Variants in SMIM14 observed in about 807,000 individuals in gnomAD.
SMIM14 encodes the protein chromosome 4 open reading frame 34.
Under a neutral mutation model 12.6 loss-of-function variants are expected in SMIM14, and 5 were observed. That is an observed-to-expected ratio of 0.40 (90% confidence interval 0.21 to 0.83). SMIM14 has a LOEUF of 0.83. Ranked by LOEUF, SMIM14 falls within the 40% of genes least tolerant of loss-of-function variation. The pLI is 0.37. For synonymous variants in SMIM14, 30 were observed against 40.1 expected, an observed-to-expected ratio of 0.75 and a Z score of 0.95; for missense variants, 86 against 119.1, an observed-to-expected ratio of 0.72 and a Z score of 1.29.
chr4:39,630,148 A>G (rs992897747), intron 1 of SMIM14, among the ~76,000 whole-genome samples: 2 of 151,926 alleles, frequency 1.3e-5, no homozygotes, highest in Non-Finnish European at 2.9e-5. Context: ...CACCTGTAAA[A>G]CCAATTCTGA....
chr4:39,604,728 A>AGAC (rs1348989138), intron 2 of SMIM14, among the ~76,000 whole-genome samples: 1 of 151,304 alleles, frequency 6.6e-6, no homozygotes, highest in Admixed American at 6.6e-5. Context: ...CTCGTGTCTC[A>AGAC]GCCTTCCGAG....
intron 2 of SMIM14, among the ~76,000 whole-genome samples, chr4:39,580,589 C>T (rs1395328703): frequency 1.3e-5 from 2 of 151,794 alleles, no homozygotes; most frequent in African/African-American, 2.4e-5. Context: ...TACAGTGGTG[C>T]GATCTTGGCT....
At chr4:39,566,161 T>C (rs1195196877) in intron 3 of SMIM14, among the ~76,000 whole-genome samples, 1 of 148,878 alleles carries the variant, frequency 6.7e-6, no homozygotes, top group Admixed American at 6.9e-5. Context: ...GGCAGTGGGA[T>C]AGTGAGAAGT....
At chr4:39,628,400 C>A (rs540706480) in intron 1 of SMIM14, among the ~76,000 whole-genome samples, 1 of 151,482 alleles carries the variant, frequency 6.6e-6, no homozygotes, top group African/African-American at 2.4e-5. Context: ...TGTGACCAGG[C>A]GCGGTGGCTC....
intron 3 of SMIM14, 146 bp from the exon 4 acceptor site, chr4:39,556,716 C>T (rs1712034866): frequency 2.6e-6 from 2 of 772,312 alleles, no homozygotes; most frequent in Admixed American, 3.6e-5. Context: ...TCTTCAATTT[C>T]CCTTTCCCCC....
chr4:39,585,756 T>A (rs1048215099), intron 2 of SMIM14, among the ~76,000 whole-genome samples: 1 of 151,766 alleles, frequency 6.6e-6, no homozygotes, highest in African/African-American at 2.4e-5. Context: ...AGGCTCCAGG[T>A]AGCACCAACC....
chr4:39,587,556 CA>C (rs1713848897), intron 2 of SMIM14, among the ~76,000 whole-genome samples: 1 of 141,878 alleles, frequency 7.0e-6, no homozygotes, highest in African/African-American at 2.6e-5. Context: ...TTTCCAAAAA[CA>C]GCCACAGAAT....
chr4:39,553,099 C>T (rs866025275), intron 4 of SMIM14, among the ~76,000 whole-genome samples: 4 of 150,796 alleles, frequency 2.7e-5, no homozygotes, highest in Admixed American at 6.6e-5. Flanking sequence ...CTCACTCTGT[C>T]GCCCAGGCTG....
At position 39,572,847 on chromosome 4, in the gene SMIM14, G is replaced by GT. The variant is rs992008315; in HGVS notation, c.76-385dup. On this transcript the variant is annotated intron_variant, in intron 2 of 4. Coordinates refer to ENST00000295958, the MANE Select transcript of SMIM14 (RefSeq NM_174921.3). ...AAAAAAAAAAATCATGTTTTCTTTT[G>GT]TTTTTTTGAGACAGGGTCTCACTCT... is the stretch of plus-strand genomic sequence containing the variant. 1.1e-4 allele frequency among the ~76,000 whole-genome samples: 17 copies of GT among 151,754 alleles called. No homozygotes were observed. The East Asian group carries it at 2.1e-3, about 19-fold the overall frequency.
At chr4:39,593,337 T>C (rs1312660432) in intron 2 of SMIM14, 2 of 152,208 alleles carry the variant, frequency 1.3e-5, no homozygotes, top group Non-Finnish European at 2.9e-5. Flanking sequence ...GAAAAGGCCT[T>C]TGACAAAATT....
Position 39,556,507 on chromosome 4 carries a change from A to G in SMIM14, c.188T>C (p.Ile63Thr). ...TCTCAGTAAGAACAAGATCAATGCA[A>G]TAACCATCCAGGCTACCAAGATCAT... ...VTMILVAWMV[I>T]ALILFLLRPP... The change falls in exon 4 of 5, where the codon ATT becomes ACT. Residue 63 changes from isoleucine (I) to threonine (T), a missense_variant. Coordinates refer to ENST00000295958, the MANE Select transcript of SMIM14 (RefSeq NM_174921.3). 2.5e-6 allele frequency: 4 copies of G among 1,613,988 alleles called. No individual in the cohort carries two copies. The highest frequency in any genetic ancestry group is 2.5e-6 in the Non-Finnish European group (3 of 1,179,978).
intron 1 of SMIM14, chr4:39,638,380 G>T: frequency 1.2e-6 from 1 of 820,798 alleles, no homozygotes; most frequent in Non-Finnish European, 1.5e-6. Context: ...GGATTTGTGA[G>T]TTTTTCCTTC....
intron 3 of SMIM14, among the ~76,000 whole-genome samples, chr4:39,566,697 G>T (rs1181823792): frequency 6.6e-6 from 1 of 152,042 alleles, no homozygotes; most frequent in Non-Finnish European, 1.5e-5. Flanking sequence ...GGCCAGGCGT[G>T]GTGGCTCACG....
At chr4:39,600,740 G>T (rs573694770) in intron 2 of SMIM14, among the ~76,000 whole-genome samples, 2 of 151,140 alleles carry the variant, frequency 1.3e-5, no homozygotes, top group South Asian at 4.2e-4. Flanking sequence ...GTGTGGTGCT[G>T]TGTGCCTGTA....
At chr4:39,572,941 A>C (rs1371975896) in intron 2 of SMIM14, among the ~76,000 whole-genome samples, 3 of 151,804 alleles carry the variant, frequency 2.0e-5, no homozygotes, top group Non-Finnish European at 2.9e-5. Context: ...GGCTCAAATG[A>C]TCCTCCTGCC....
At chr4:39,553,752 C>A (rs901069733) in intron 4 of SMIM14, among the ~76,000 whole-genome samples, 5 of 151,898 alleles carry the variant, frequency 3.3e-5, no homozygotes, top group African/African-American at 1.2e-4. Flanking sequence ...CGCCACCATG[C>A]CTGGCTAATT....
At chr4:39,578,421 G>C (rs1713312715) in intron 2 of SMIM14, among the ~76,000 whole-genome samples, 2 of 152,108 alleles carry the variant, frequency 1.3e-5, no homozygotes, top group African/African-American at 2.4e-5. Context: ...CACTGATGTT[G>C]ATTTTGTCTA....
At chr4:39,633,376 CTATT>C (rs1305719643) in intron 1 of SMIM14, among the ~76,000 whole-genome samples, 1 of 152,032 alleles carries the variant, frequency 6.6e-6, no homozygotes, top group Non-Finnish European at 1.5e-5. Context: ...TTTAGGTTAA[CTATT>C]TAAGGCCATG....
chr4:39,603,071 C>G (rs960769906), intron 2 of SMIM14, among the ~76,000 whole-genome samples: 2 of 152,060 alleles, frequency 1.3e-5, no homozygotes, highest in Non-Finnish European at 2.9e-5. Context: ...CTCTTTGGAG[C>G]ATTTTGTATT....
Sources: gnomAD v4.1 joint callset for allele counts (sites outside exome capture counted in the v4.1 genomes callset) on GRCh38, gnomAD v4.1.1 for gene constraint, MANE v1.5 for transcripts, NCBI Gene and HGNC (gene_info 2026-07-23, HGNC 2026-07-21) for gene names.